The following SV2C variants were observed in gnomAD, a reference collection of about 807,000 sequenced individuals.
The protein encoded by SV2C is solute carrier family 22 member B3.
Under a neutral mutation model 79.7 loss-of-function variants are expected in SV2C, and 49 were observed. The ratio of observed to expected loss-of-function variants is 0.61; its 90% confidence interval spans 0.49 to 0.78. SV2C has a LOEUF of 0.78. Among genes scored for constraint, SV2C ranks in the 30% least tolerant of loss-of-function variants. The pLI, the probability that SV2C is intolerant of heterozygous loss-of-function variation, is 0.00. For missense variants in SV2C, 833 were observed against 912.9 expected, an observed-to-expected ratio of 0.91 and a Z score of 1.13; for synonymous variants, 334 against 333.2, an observed-to-expected ratio of 1.00 and a Z score of -0.03.
At chr5:76,094,463 A>G (rs578096709) in intron 1 of SV2C, among the ~76,000 whole-genome samples, 2 of 152,256 alleles carry the variant, frequency 1.3e-5, no homozygotes, top group Admixed American at 1.3e-4. Context: ...CGTATTTTTG[A>G]AAAGATTCAT....
the SV2C span, among the ~76,000 whole-genome samples, chr5:75,965,596 C>A: frequency 2.6e-5 from 4 of 151,922 alleles, no homozygotes; most frequent in African/African-American, 7.3e-5. Context: ...GAGAAATAAA[C>A]TTCTATGGTT....
intron 12 of SV2C, among the ~76,000 whole-genome samples, chr5:76,306,686 T>A (rs1320023877): frequency 6.6e-6 from 1 of 152,146 alleles, no homozygotes; most frequent in Admixed American, 6.5e-5. Flanking sequence ...TAGGCACATA[T>A]AAATGATAAA....
intron 4 of SV2C, among the ~76,000 whole-genome samples, chr5:76,244,015 C>T (rs542351397): frequency 1.3e-5 from 2 of 152,330 alleles, no homozygotes; most frequent in African/African-American, 4.8e-5. Context: ...CTTGGAGAGG[C>T]CATCCCTTCC....
the SV2C span, among the ~76,000 whole-genome samples, chr5:76,066,244 T>C: frequency 6.6e-6 from 1 of 151,894 alleles, no homozygotes; most frequent in African/African-American, 2.4e-5. Flanking sequence ...GTGGCACATA[T>C]ACACCATGGA....
At chr5:75,893,327 AATGT>A in the SV2C span, among the ~76,000 whole-genome samples, 1 of 151,940 alleles carries the variant, frequency 6.6e-6, no homozygotes, top group East Asian at 1.9e-4. Context: ...GATATATGCA[AATGT>A]ACCATCATGA....
the SV2C span, among the ~76,000 whole-genome samples, chr5:76,042,069 C>T: frequency 1.3e-5 from 2 of 152,206 alleles, no homozygotes; most frequent in Non-Finnish European, 2.9e-5. Context: ...CAGGACAGCC[C>T]TTGGCTCTGT....
intron 4 of SV2C, among the ~76,000 whole-genome samples, chr5:76,225,433 T>C (rs1745207297): frequency 6.6e-6 from 1 of 152,200 alleles, no homozygotes; most frequent in Non-Finnish European, 1.5e-5. Context: ...GACAGGATAC[T>C]TGCAAAGAGG....
the SV2C span, among the ~76,000 whole-genome samples, chr5:75,853,607 C>CAAAAAAAAAAAAAAA: frequency 3.5e-5 from 1 of 28,464 alleles, no homozygotes; most frequent in African/African-American, 1.6e-4. Context: ...GACTCCGTCT[C>CAAAAAAAAAAAAAAA]AAAAAAAAAA....
At position 76,148,471 on chromosome 5, in the gene SV2C, A is replaced by T. The variant is rs1486320104; in HGVS notation, c.580+16141A>T. Among the ~76,000 whole-genome samples, 4 of 151,934 alleles carry T rather than the reference A, an allele frequency of 2.6e-5. No homozygotes were observed. The East Asian group carries it at 7.7e-4, about 29-fold the overall frequency. Reference sequence around the variant, plus strand: ...CCTTTTTCTCTCTCTCTCTTTAGAGACAGTGTTTCACTGTGTTGCCCAAGC... The same window carrying T: ...CCTTTTTCTCTCTCTCTCTTTAGAGTCAGTGTTTCACTGTGTTGCCCAAGC... On this transcript the variant is annotated intron_variant, in intron 2 of 12. Coordinates refer to ENST00000502798, the MANE Select transcript of SV2C (RefSeq NM_014979.4).
the SV2C span, among the ~76,000 whole-genome samples, chr5:75,994,874 C>T: frequency 6.6e-5 from 10 of 152,068 alleles, no homozygotes; most frequent in Non-Finnish European, 1.3e-4. Context: ...GGCCTGAGAA[C>T]GAGGGGGCCA....
At chr5:76,316,182 G>A (rs952841873) in intron 12 of SV2C, among the ~76,000 whole-genome samples, 14 of 152,166 alleles carry the variant, frequency 9.2e-5, no homozygotes, top group African/African-American at 2.9e-4. Flanking sequence ...TTATATGACT[G>A]GAAGTACACT....
chr5:76,257,773 G>A (rs1398825969), intron 4 of SV2C, among the ~76,000 whole-genome samples: 1 of 151,134 alleles, frequency 6.6e-6, no homozygotes, highest in Non-Finnish European at 1.5e-5. Flanking sequence ...GTGGTATATG[G>A]GTGTATGTAG....
At chr5:76,153,414 C>G (rs1230969342) in intron 2 of SV2C, among the ~76,000 whole-genome samples, 1 of 152,192 alleles carries the variant, frequency 6.6e-6, no homozygotes, top group Non-Finnish European at 1.5e-5. Flanking sequence ...TGAAGAGGGA[C>G]TTCCCAAGAG....
the SV2C span, among the ~76,000 whole-genome samples, chr5:76,035,569 A>G: frequency 6.6e-6 from 1 of 151,828 alleles, no homozygotes; most frequent in Admixed American, 6.6e-5. Flanking sequence ...TTTGAGTGAG[A>G]TTCTTAATCC....
intron 3 of SV2C, among the ~76,000 whole-genome samples, chr5:76,195,766 G>GA (rs889967788): frequency 5.7e-4 from 86 of 152,004 alleles, no homozygotes; most frequent in African/African-American, 1.9e-3. Context: ...GCTTCAATAA[G>GA]AAAAAAACAT....
the SV2C span, among the ~76,000 whole-genome samples, chr5:76,017,197 A>G: frequency 4.3e-3 from 659 of 152,244 alleles, 5 homozygotes; most frequent in African/African-American, 0.015. Flanking sequence ...CAGAATATGT[A>G]CTCTGAGACC....
rs77685946 is a variant in SV2C at position 76,148,903 on chromosome 5, C to G, written c.580+16573C>G. On this transcript the variant is annotated intron_variant, in intron 2 of 12. Coordinates refer to ENST00000502798, the MANE Select transcript of SV2C (RefSeq NM_014979.4). ...TAGTTAGTACATAGATTGTTTTAAA[C>G]GTCTTTGAATGGCCTTCAAAACTGC... 5.9e-3 allele frequency among the ~76,000 whole-genome samples: 897 copies of G among 152,298 alleles called. 8 individuals carry two copies. Among genetic ancestry groups the G allele is most frequent in the African/African-American group, 0.021 (861 of 41,572 alleles).
the SV2C span, among the ~76,000 whole-genome samples, chr5:76,024,342 G>A: frequency 6.6e-6 from 1 of 152,106 alleles, no homozygotes; most frequent in Non-Finnish European, 1.5e-5. Flanking sequence ...TTGCTGGGCT[G>A]GTTATATGCA....
the SV2C span, among the ~76,000 whole-genome samples, chr5:75,936,007 A>T: frequency 2.0e-5 from 3 of 152,242 alleles, no homozygotes; most frequent in Non-Finnish European, 2.9e-5. Context: ...TTCATGTAGC[A>T]TCAAGTTATG....
Sources: gnomAD v4.1 joint callset for allele counts (sites outside exome capture counted in the v4.1 genomes callset) on GRCh38, gnomAD v4.1.1 for gene constraint, MANE v1.5 for transcripts, NCBI Gene and HGNC (gene_info 2026-07-23, HGNC 2026-07-21) for gene names.